RBPJ: variants seen among roughly 807,000 people sequenced by gnomAD.
RBPJ encodes recombination signal binding protein for immunoglobulin kappa J region.
RBPJ carries 9 observed loss-of-function variants against 67.8 expected under a neutral mutation model. The ratio of observed to expected loss-of-function variants is 0.13; its 90% confidence interval spans 0.08 to 0.23. RBPJ has a LOEUF of 0.23. Ranked by LOEUF, RBPJ falls within the 10% of genes least tolerant of loss-of-function variation. The pLI is 1.00. For missense variants in RBPJ, 305 were observed against 595.6 expected (o/e 0.51, Z 5.08); for synonymous variants, 198 against 203.3 (o/e 0.97, Z 0.22).
At chr4:26,265,698 G>C (rs1447270225) in intron 1 of RBPJ, among the ~76,000 whole-genome samples, 1 of 152,048 alleles carries the variant, frequency 6.6e-6, no homozygotes, top group Non-Finnish European at 1.5e-5. Context: ...AACTGCTAGA[G>C]AGAGCCCTTC....
intron 1 of RBPJ, among the ~76,000 whole-genome samples, chr4:26,210,993 A>C (rs752822238): frequency 1.3e-5 from 2 of 151,962 alleles, no homozygotes; most frequent in Non-Finnish European, 2.9e-5. Flanking sequence ...GAAGCAAAGT[A>C]ATTTCATTTT....
At chr4:26,184,431 G>C (rs1717150690) in intron 1 of RBPJ, among the ~76,000 whole-genome samples, 1 of 152,124 alleles carries the variant, frequency 6.6e-6, no homozygotes, top group African/African-American at 2.4e-5. Flanking sequence ...AGGATGGAGA[G>C]TTCCTGTCTT....
chr4:26,369,493 G>A (rs544199350), intron 1 of RBPJ, among the ~76,000 whole-genome samples: 7 of 152,230 alleles, frequency 4.6e-5, no homozygotes, highest in African/African-American at 1.7e-4. Context: ...TTCTTTGTTT[G>A]TTTTTGTAGA....
intron 1 of RBPJ, among the ~76,000 whole-genome samples, chr4:26,374,001 C>G (rs986331211): frequency 6.6e-6 from 1 of 151,082 alleles, no homozygotes; most frequent in African/African-American, 2.4e-5. Context: ...TCACTGCAGC[C>G]TCCGCCTCCT....
chr4:26,337,682 C>CTTTTTTTTTT (rs386356773), intron 1 of RBPJ, among the ~76,000 whole-genome samples: 1 of 108,030 alleles, frequency 9.3e-6, no homozygotes, highest in African/African-American at 3.6e-5. Context: ...ATTCTTTATC[C>CTTTTTTTTTT]TTTTTTTTTT....
At chr4:26,315,310 G>A (rs1160902367), upstream of RBPJ, among the ~76,000 whole-genome samples, 1 of 151,038 alleles carries the variant, frequency 6.6e-6, no homozygotes, top group Admixed American at 6.6e-5. Flanking sequence ...AGAGTACAAA[G>A]AGAGGAATTT....
Position 26,432,238 on chromosome 4 carries a change from T to G in RBPJ, c.*1231T>G, listed in dbSNP as rs1229622680. 1.3e-5 allele frequency: 2 copies of G among 152,222 alleles called. No individual in the cohort carries two copies. Among genetic ancestry groups the G allele is most frequent in the African/African-American group, 4.8e-5 (2 of 41,432 alleles). 9.4% of individuals were successfully genotyped at this position (152,222 alleles called of 1,614,324 possible). A position where few individuals can be genotyped will look rare whatever the true frequency, so the allele number is the denominator to read the frequency against. On this transcript the variant is annotated 3_prime_UTR_variant, in exon 11 of 11. Coordinates refer to ENST00000355476, the MANE Select transcript of RBPJ (RefSeq NM_015874.6). ...GCATGTTTTATTATCTTTACTTTTTTGGGGGGTTGGAGGGGGTAGCCTAGC... is the reference window on the plus strand; with the variant it reads ...GCATGTTTTATTATCTTTACTTTTTGGGGGGGTTGGAGGGGGTAGCCTAGC...
chr4:26,206,863 C>G (rs1718187898), intron 1 of RBPJ, among the ~76,000 whole-genome samples: 1 of 149,598 alleles, frequency 6.7e-6, no homozygotes, highest in Admixed American at 6.7e-5. Flanking sequence ...TTTCTGAATT[C>G]TGGTAGTTTT....
chr4:26,364,914 G>T (rs932809174), intron 1 of RBPJ, among the ~76,000 whole-genome samples: 4 of 151,878 alleles, frequency 2.6e-5, no homozygotes, highest in African/African-American at 7.2e-5. Flanking sequence ...ACCGTGCCCG[G>T]CCTGGAAGTC....
intron 1 of RBPJ, among the ~76,000 whole-genome samples, chr4:26,190,120 A>C (rs1441126917): frequency 3.3e-5 from 5 of 152,262 alleles, no homozygotes; most frequent in African/African-American, 1.2e-4. Flanking sequence ...GCTAGAAAGA[A>C]TCACTTGCTC....
At chr4:26,245,521 T>A (rs1719899757) in intron 1 of RBPJ, among the ~76,000 whole-genome samples, 1 of 152,176 alleles carries the variant, frequency 6.6e-6, no homozygotes. Flanking sequence ...AATGTACTTT[T>A]GTATGGGTTG....
intron 1 of RBPJ, among the ~76,000 whole-genome samples, chr4:26,169,049 C>T (rs1299526764): frequency 6.6e-6 from 1 of 152,242 alleles, no homozygotes; most frequent in Non-Finnish European, 1.5e-5. Context: ...GTTTGATCGT[C>T]TGAAGCTTTC....
chr4:26,285,673 TAC>T (rs1721440476), intron 1 of RBPJ, among the ~76,000 whole-genome samples: 1 of 109,644 alleles, frequency 9.1e-6, no homozygotes, highest in South Asian at 2.9e-4. Flanking sequence ...ATGATACTGA[TAC>T]GTTAAAAAAA....
rs142515587 is a variant in RBPJ at position 26,237,146 on chromosome 4, A to G, written c.-167+73532A>G. Among the ~76,000 whole-genome samples the G allele has an allele frequency of 4.3e-3, 649 of 152,268 alleles. 3 individuals carry two copies. Among genetic ancestry groups the G allele is most frequent in the Non-Finnish European group, 6.8e-3 (465 of 68,020 alleles). Reference sequence around the variant, plus strand: ...CCCTGGCAGACTCGATAGCTCTGGGAAGCACCTGGAGAACCTTATCACTAC... The same window carrying G: ...CCCTGGCAGACTCGATAGCTCTGGGGAGCACCTGGAGAACCTTATCACTAC... On this transcript the variant is annotated intron_variant, in intron 1 of 4. Transcript: ENST00000512351.
At chr4:26,354,541 C>T (rs993574334) in intron 1 of RBPJ, among the ~76,000 whole-genome samples, 1 of 150,072 alleles carries the variant, frequency 6.7e-6, no homozygotes, top group African/African-American at 2.5e-5. Context: ...CCTCCACTTC[C>T]TGGGTTCAAC....
intron 1 of RBPJ, among the ~76,000 whole-genome samples, chr4:26,257,326 A>G (rs1720373235): frequency 6.6e-6 from 1 of 152,222 alleles, no homozygotes; most frequent in South Asian, 2.1e-4. Flanking sequence ...CTGGCGAAGA[A>G]ACAGTCATAA....
At chr4:26,355,187 C>T (rs1189999795) in intron 1 of RBPJ, among the ~76,000 whole-genome samples, 1 of 152,078 alleles carries the variant, frequency 6.6e-6, no homozygotes, top group African/African-American at 2.4e-5. Flanking sequence ...CCCTAATCCC[C>T]CAGGAGCTGG....
At chr4:26,146,953 G>A in the RBPJ span, among the ~76,000 whole-genome samples, 1 of 152,206 alleles carries the variant, frequency 6.6e-6, no homozygotes, top group Admixed American at 6.5e-5. Flanking sequence ...AGTGTGGCAC[G>A]AGCTTGGCAT....
chr4:26,255,950 T>TGG (rs541574973), intron 1 of RBPJ, among the ~76,000 whole-genome samples: 2 of 152,192 alleles, frequency 1.3e-5, no homozygotes, highest in Non-Finnish European at 2.9e-5. Flanking sequence ...CTGGACTAGA[T>TGG]GATCTTTAAG....
Sources: allele counts gnomAD v4.1 joint callset (sites outside exome capture counted in the v4.1 genomes callset), GRCh38; gene constraint gnomAD v4.1.1; transcripts MANE v1.5; gene names NCBI Gene and HGNC (gene_info 2026-07-23, HGNC 2026-07-21).